The following CAPN2 variants were observed in gnomAD, a reference collection of about 807,000 sequenced individuals.
CAPN2 encodes calpain 2, also known as calpain-2 catalytic subunit.
A neutral mutation model predicts 102.3 loss-of-function variants in CAPN2; 92 were observed. The observed-to-expected ratio is 0.90, with a 90% CI of 0.76 to 1.07. The LOEUF is 1.07. CAPN2 is among the 50% of genes least tolerant of loss of function. The pLI is 0.00. For missense variants in CAPN2, 800 were observed against 909.4 expected (o/e 0.88, Z 1.55); for synonymous variants, 340 against 355.4 (o/e 0.96, Z 0.49).
At chr1:223,752,178 G>T in intron 8 of CAPN2, 107 bp downstream of exon 8, 1 of 747,696 alleles carries the variant, frequency 1.3e-6, no homozygotes, top group Non-Finnish European at 2.3e-6. Context: ...ACCATGTCGA[G>T]GACACAAGCG....
chr1:223,770,711 A>G, intron 18 of CAPN2, 186 bp downstream of exon 18: 1 of 481,072 alleles, frequency 2.1e-6, no homozygotes, highest in Non-Finnish European at 3.7e-6. Context: ...ATGCAGTAGG[A>G]TGCTCTGCCC....
At chr1:223,710,489 G>T (rs1411338560), upstream of CAPN2, among the ~76,000 whole-genome samples, 1 of 151,914 alleles carries the variant, frequency 6.6e-6, no homozygotes, top group Non-Finnish European at 1.5e-5. Context: ...TAAATGGATG[G>T]TTCCTCCTTA....
At chr1:223,721,974 G>A (rs576978968) in intron 2 of CAPN2, among the ~76,000 whole-genome samples, 1 of 152,254 alleles carries the variant, frequency 6.6e-6, no homozygotes, top group East Asian at 1.9e-4. Context: ...AAGTCCTTTT[G>A]CCAAATTGCC....
At chr1:223,716,778 C>A (rs1174032221) in intron 1 of CAPN2, among the ~76,000 whole-genome samples, 3 of 151,956 alleles carry the variant, frequency 2.0e-5, no homozygotes, top group African/African-American at 7.3e-5. Context: ...AGAATCGAAA[C>A]ACACTCAGAG....
intron 2 of CAPN2, among the ~76,000 whole-genome samples, chr1:223,738,153 T>A (rs1433724690): frequency 6.6e-6 from 1 of 152,144 alleles, no homozygotes; most frequent in Non-Finnish European, 1.5e-5. Context: ...TTTAATCTTA[T>A]TACCTTTTTT....
chr1:223,770,534 T>C lies in CAPN2; in HGVS notation c.1903+9T>C, dbSNP rs376622662. 1.9e-6 allele frequency: 3 copies of C among 1,591,484 alleles called. No individual in the cohort carries two copies. In the Admixed American group the frequency reaches 5.0e-5, roughly 27 times the overall value. ...GGCATTAGAAGAAGCAGGTAACCCT[T>C]TATAACTGCATTTTCGTTCCTAGTT... On this transcript the variant is annotated intron_variant, in intron 18 of 20. Coordinates refer to ENST00000295006, the MANE Select transcript of CAPN2 (RefSeq NM_001748.5).
Position 223,769,858 on chromosome 1 carries a change from G to T in CAPN2, c.1773G>T (p.Lys591Asn). 6 of 1,609,264 alleles carry T rather than the reference G, an allele frequency of 3.7e-6. No individual in the cohort carries two copies. Among genetic ancestry groups the T allele is most frequent in the Non-Finnish European group, 5.1e-6 (6 of 1,177,710 alleles). Residue 591 changes from lysine (K) to asparagine (N), a missense_variant, in exon 17 of 21, where the codon AAG (lysine) becomes AAT (asparagine). Physicochemically the swap from Lys to Asn is moderately conservative, Grantham distance 94. Transcript: ENST00000295006. ...VDMLDSDGSG[K>N]LGLKEFYILW... The stretch of plus-strand genomic sequence containing the variant: ...GAAGGCAGTCGGACGGGAGTGGCAA[G>T]CTGGGGCTGAAGGAGTTCTACATTC...
At chr1:223,708,248 C>A (rs961404007), upstream of CAPN2, among the ~76,000 whole-genome samples, 6 of 152,210 alleles carry the variant, frequency 3.9e-5, no homozygotes, top group East Asian at 1.9e-4. Context: ...GACGGTGGTA[C>A]CTGCCCATCA....
At chr1:223,744,242 G>T in intron 3 of CAPN2, 24 bp downstream of exon 3, 2 of 1,501,942 alleles carry the variant, frequency 1.3e-6, no homozygotes, top group South Asian at 1.1e-5. Context: ...TGGCTCAGGT[G>T]GTTCCTCAAC....
intron 8 of CAPN2, 36 bp from the exon 9 acceptor site, chr1:223,752,760 C>T (rs763625022): frequency 4.3e-6 from 7 of 1,610,526 alleles, no homozygotes; most frequent in Non-Finnish European, 5.9e-6. Flanking sequence ...AGTGTGTCTT[C>T]TTATCACCTG....
intron 2 of CAPN2, among the ~76,000 whole-genome samples, chr1:223,728,694 T>G (rs1176129134): frequency 6.6e-6 from 1 of 152,204 alleles, no homozygotes; most frequent in Admixed American, 6.5e-5. Context: ...CCAAGCTGCT[T>G]GGACATTAGC....
At chr1:223,730,649 C>T (rs1354348116) in intron 2 of CAPN2, among the ~76,000 whole-genome samples, 2 of 152,104 alleles carry the variant, frequency 1.3e-5, no homozygotes, top group Non-Finnish European at 2.9e-5. Context: ...GTCTTAAGAT[C>T]TCTGTTTTCA....
chr1:223,759,277 G>C lies in CAPN2; in HGVS notation c.1325G>C (p.Gly442Ala), dbSNP rs775717168. The change falls in exon 12 of 21, where the codon GGG becomes GCG. Residue 442 changes from glycine to alanine, a missense_variant. By Grantham distance (60) the Gly-to-Ala change is moderately conservative. Coordinates refer to ENST00000295006, the MANE Select transcript of CAPN2 (RefSeq NM_001748.5). The surrounding 1 kb of genome is among the most constrained non-coding windows in gnomAD (Gnocchi z 4.6). ...GIYEVPEELS[G>A]QTNIHLSKNF... The stretch of plus-strand genomic sequence containing the variant: ...TCTCTATTTATTCCTCAGTTAAGTG[G>C]GCAGACCAACATCCACCTCAGCAAA... The C allele has an allele frequency of 3.1e-6, 5 of 1,613,910 alleles. No individual in the cohort carries two copies. Among genetic ancestry groups the C allele is most frequent in the Non-Finnish European group, 4.2e-6 (5 of 1,179,964 alleles).
At position 223,771,840 on chromosome 1, in the gene CAPN2, C is replaced by A; in HGVS notation, c.1935C>A (p.Val645=). Residue 645 remains valine, a synonymous_variant, in exon 19 of 21, where the codon GTC becomes GTA. Coordinates refer to ENST00000295006, the MANE Select transcript of CAPN2 (RefSeq NM_001748.5). ...AGATGCCCTGTCAACTCCACCAAGT[C>A]ATCGTTGCTCGGTTTGCAGATGACC... ...GFKMPCQLHQ[V]IVARFADDQL... is the part of the protein sequence containing the mutation. 1 of 1,613,892 alleles carries A rather than the reference C, an allele frequency of 6.2e-7. No individual in the cohort carries two copies. The highest frequency in any genetic ancestry group is 1.1e-5 in the South Asian group (1 of 91,068).
chr1:223,761,737 C>T (rs28370129), intron 13 of CAPN2, 120 bp downstream of exon 13: 11 of 818,324 alleles, frequency 1.3e-5, no homozygotes, highest in Middle Eastern at 2.3e-4. Context: ...AGGATAAAGC[C>T]GGGTACTGGG....
rs372290775 is a variant in CAPN2 at position 223,726,325 on chromosome 1, T to TG, written c.307+8500dup. Among the ~76,000 whole-genome samples, 853 of 152,062 alleles carry TG rather than the reference T, an allele frequency of 5.6e-3. 6 individuals are homozygous for TG. Among genetic ancestry groups the TG allele is most frequent in the African/African-American group, 0.02 (822 of 41,442 alleles). ...GGAAGAGGGTGGGTTTGCCTGCGCC[T>TG]GGGGGGAGGGCAGCCATCAGGAAGG... On this transcript the variant is annotated intron_variant, in intron 2 of 20. Transcript: ENST00000295006. This position sits in a 1 kb window ranked among gnomAD's most constrained non-coding sequence, Gnocchi z 4.4.
chr1:223,736,664 C>T (rs1028255449), intron 2 of CAPN2, among the ~76,000 whole-genome samples: 1 of 152,300 alleles, frequency 6.6e-6, no homozygotes, highest in Non-Finnish European at 1.5e-5. Flanking sequence ...CCTTTTCACA[C>T]GAGAGCATTT....
intron 10 of CAPN2, 141 bp from the exon 11 acceptor site, chr1:223,757,228 T>C (rs1661057890): frequency 2.1e-6 from 2 of 940,222 alleles, no homozygotes; most frequent in Admixed American, 3.6e-5. Flanking sequence ...TTTGAGTTCC[T>C]TGGAAAACAG....
rs1660935216 is a variant in CAPN2, at chr1:223,752,796, G to T, written c.975G>T (p.Trp325Cys). Residue 325 changes from tryptophan to cysteine, a missense_variant and splice_region_variant, in exon 9 of 21, where the codon TGG becomes TGT. Physicochemically the swap from Trp to Cys is radical, Grantham distance 215. Coordinates refer to ENST00000295006, the MANE Select transcript of CAPN2 (RefSeq NM_001748.5). ...LTRRHEDGEF[W>C]MSFSDFLRHY... Reference sequence around the variant, plus strand: ...TGATGATTGTCTCTGCTTTTGCCAGGATGTCTTTCAGTGACTTCCTGAGGC... The same window carrying T: ...TGATGATTGTCTCTGCTTTTGCCAGTATGTCTTTCAGTGACTTCCTGAGGC... 1.9e-6 allele frequency: 3 copies of T among 1,614,042 alleles called. No individual in the cohort carries two copies. Among genetic ancestry groups the T allele is most frequent in the Non-Finnish European group, 1.7e-6 (2 of 1,179,954 alleles).
Sources: gnomAD v4.1 joint callset for allele counts (sites outside exome capture counted in the v4.1 genomes callset) on GRCh38, gnomAD v4.1.1 for gene constraint, Gnocchi (gnomAD v3.1) non-coding constraint, MANE v1.5 for transcripts, NCBI Gene and HGNC (gene_info 2026-07-23, HGNC 2026-07-21) for gene names.